Variants in GRIK4 observed in about 807,000 individuals in gnomAD.
The protein encoded by GRIK4 is glutamate ionotropic receptor kainate type subunit 4.
GRIK4 carries 40 observed loss-of-function variants against 104.9 expected under a neutral mutation model. The observed-to-expected ratio is 0.38, with a 90% CI of 0.30 to 0.50. GRIK4 has a LOEUF of 0.50. GRIK4 is among the 20% of genes least tolerant of loss of function. The pLI is 0.93. For missense variants in GRIK4, 1,047 were observed against 1,308.1 expected (o/e 0.80, Z 3.08); for synonymous variants, 485 against 524.9 (o/e 0.92, Z 1.04).
At chr11:120,841,465 C>T (rs1236895824) in intron 8 of GRIK4, among the ~76,000 whole-genome samples, 1 of 152,216 alleles carries the variant, frequency 6.6e-6, no homozygotes, top group Non-Finnish European at 1.5e-5. Flanking sequence ...AAATAATATA[C>T]TATGTGTGTG....
At chr11:120,666,033 TCCG>T (rs1949908512) in intron 3 of GRIK4, among the ~76,000 whole-genome samples, 2 of 152,168 alleles carry the variant, frequency 1.3e-5, no homozygotes, top group African/African-American at 4.8e-5. Context: ...GCCTAGATAT[TCCG>T]TTTTACAGAT....
Position 120,952,795 on chromosome 11 carries a change from G to GC in GRIK4, c.1591-56dup. On this transcript the variant is annotated intron_variant, in intron 14 of 20. Coordinates refer to ENST00000527524, the MANE Select transcript of GRIK4 (RefSeq NM_014619.5). This position sits in a 1 kb window ranked among gnomAD's most constrained non-coding sequence, Gnocchi z 5.2. ...CTACCTCCTCTACCCCGCCCTGCCT[G>GC]CCCCAAGGTCATGTTGACTGAATAT... 8.5e-7 allele frequency: 1 copy of GC among 1,173,152 alleles called. No homozygotes were observed. The highest frequency in any genetic ancestry group is 1.2e-5 in the South Asian group (1 of 82,546). The allele number at this position is 1,173,152 out of a possible 1,614,324, so 72.7% of individuals were successfully genotyped here. A position where few individuals can be genotyped will look rare whatever the true frequency, so the allele number is the denominator to read the frequency against.
At chr11:120,741,961 G>T (rs1406610039) in intron 3 of GRIK4, among the ~76,000 whole-genome samples, 1 of 152,162 alleles carries the variant, frequency 6.6e-6, no homozygotes, top group South Asian at 2.1e-4. Context: ...GCAATATGGG[G>T]ACACAGAGGA....
At chr11:120,637,142 GGA>G (rs142967472) in intron 1 of GRIK4, among the ~76,000 whole-genome samples, 12 of 151,480 alleles carry the variant, frequency 7.9e-5, no homozygotes, top group Non-Finnish European at 1.2e-4. Flanking sequence ...GAGGTGAGAG[GGA>G]GAGAGAGAGA....
intron 10 of GRIK4, among the ~76,000 whole-genome samples, chr11:120,874,634 C>G (rs1450169889): frequency 1.3e-5 from 2 of 152,164 alleles, no homozygotes; most frequent in Non-Finnish European, 2.9e-5. Context: ...CCATTGTTGT[C>G]CTCCCCAGCC....
chr11:120,950,340 A>G (rs1943970546), intron 14 of GRIK4, among the ~76,000 whole-genome samples: 2 of 152,222 alleles, frequency 1.3e-5, no homozygotes, highest in African/African-American at 4.8e-5. Flanking sequence ...TTTGGTCTCT[A>G]GGAATTTTTC....
intron 1 of GRIK4, chr11:120,564,487 G>A (rs1266235084): frequency 2.6e-5 from 4 of 152,216 alleles, no homozygotes; most frequent in Admixed American, 6.5e-5. Context: ...CGCAGGGCTG[G>A]GAAGGGTCTT....
chr11:120,707,807 A>G (rs1281302732), intron 3 of GRIK4, among the ~76,000 whole-genome samples: 3 of 152,186 alleles, frequency 2.0e-5, no homozygotes, highest in African/African-American at 2.4e-5. Context: ...ACTGAGGGTC[A>G]GGGGTCTTTG....
intron 1 of GRIK4, among the ~76,000 whole-genome samples, chr11:120,537,710 T>C (rs1947992352): frequency 6.6e-6 from 1 of 152,240 alleles, no homozygotes; most frequent in African/African-American, 2.4e-5. Flanking sequence ...CGCCGCGCTG[T>C]GCAGCTTCCT....
intron 4 of GRIK4, among the ~76,000 whole-genome samples, chr11:120,803,447 G>GT (rs931557020): frequency 5.3e-5 from 8 of 151,810 alleles, no homozygotes; most frequent in African/African-American, 1.2e-4. Flanking sequence ...TTTTGTTTTT[G>GT]TTTTTTTTGA....
intron 1 of GRIK4, among the ~76,000 whole-genome samples, chr11:120,538,181 G>A (rs1038545446): frequency 1.3e-5 from 2 of 152,178 alleles, no homozygotes; most frequent in African/African-American, 4.8e-5. Flanking sequence ...CATCCCTCCC[G>A]CTGTGTGCTT....
At chr11:120,515,915 C>T (rs904244200) in intron 1 of GRIK4, among the ~76,000 whole-genome samples, 4 of 152,148 alleles carry the variant, frequency 2.6e-5, no homozygotes, top group Non-Finnish European at 5.9e-5. Flanking sequence ...TCCAGCTACC[C>T]GGCGAGTTAG....
At chr11:120,897,937 G>A (rs1265032036) in intron 11 of GRIK4, among the ~76,000 whole-genome samples, 3 of 152,004 alleles carry the variant, frequency 2.0e-5, no homozygotes, top group Non-Finnish European at 4.4e-5. Flanking sequence ...GAGAAGGCAG[G>A]ACAAGCATTA....
At position 120,902,512 on chromosome 11, in the gene GRIK4, A is replaced by G. The variant is rs1229146326; in HGVS notation, c.1273-2778A>G. Among the ~76,000 whole-genome samples the G allele has an allele frequency of 2.0e-5, 3 of 152,226 alleles. No homozygotes were observed. Among genetic ancestry groups the G allele is most frequent in the Non-Finnish European group, 1.5e-5 (1 of 68,038 alleles). On this transcript the variant is annotated intron_variant, in intron 12 of 20. Coordinates refer to ENST00000527524, the MANE Select transcript of GRIK4 (RefSeq NM_014619.5). The surrounding 1 kb of genome is among the most constrained non-coding windows in gnomAD (Gnocchi z 4.5). ...GGGACAATCAAAGATACAATGGGAC[A>G]TTACCAGTCCTGAGATGGAAACCCC...
intron 1 of GRIK4, among the ~76,000 whole-genome samples, chr11:120,605,780 C>T (rs758879808): frequency 2.6e-5 from 4 of 152,210 alleles, no homozygotes; most frequent in Admixed American, 1.3e-4. Context: ...TTGCCGTGGG[C>T]CTGGTGCAAG....
At chr11:120,938,531 C>T (rs1268816677) in intron 13 of GRIK4, among the ~76,000 whole-genome samples, 1 of 152,142 alleles carries the variant, frequency 6.6e-6, no homozygotes, top group Admixed American at 6.5e-5. Flanking sequence ...GGAGAAGAAA[C>T]TGATCTTTGC....
chr11:120,955,815 T>G (rs1047537697), intron 15 of GRIK4, among the ~76,000 whole-genome samples: 1 of 152,062 alleles, frequency 6.6e-6, no homozygotes, highest in Non-Finnish European at 1.5e-5. Flanking sequence ...GCATTCTTTT[T>G]TTTTTTTTGA....
intron 11 of GRIK4, among the ~76,000 whole-genome samples, chr11:120,897,601 C>CAATAAAAAAAAAAAAAAAAAAAA (rs1942617951): frequency 7.7e-5 from 1 of 13,066 alleles, no homozygotes; most frequent in Non-Finnish European, 1.7e-4. Context: ...GACTCCTTCT[C>CAATAAAAAAAAAAAAAAAAAAAA]AAAAAAAAAA....
chr11:120,878,614 C>A lies in GRIK4; in HGVS notation c.1164+3371C>A, dbSNP rs551877222. On this transcript the variant is annotated intron_variant, in intron 11 of 20. Coordinates refer to ENST00000527524, the MANE Select transcript of GRIK4 (RefSeq NM_014619.5). ...TGGTGATCATTCTCTTTATGCCCCGCCCCCCCCCCTTTTTTCAACAAATCT... is the reference window on the plus strand; with the variant it reads ...TGGTGATCATTCTCTTTATGCCCCGACCCCCCCCCTTTTTTCAACAAATCT... Among the ~76,000 whole-genome samples, 94 of 2,372 alleles carry A rather than the reference C, an allele frequency of 0.04. 1 individual carries two copies. In the East Asian group the frequency reaches 0.4, roughly 10 times the overall value. 1.6% of individuals were successfully genotyped at this position (2,372 alleles called of 152,430 possible). A position where few individuals can be genotyped will look rare whatever the true frequency, so the allele number is the denominator to read the frequency against.
Sources: gnomAD v4.1 joint callset for allele counts (sites outside exome capture counted in the v4.1 genomes callset) on GRCh38, gnomAD v4.1.1 for gene constraint, Gnocchi (gnomAD v3.1) non-coding constraint, MANE v1.5 for transcripts, NCBI Gene and HGNC (gene_info 2026-07-23, HGNC 2026-07-21) for gene names.